CORO7: variants seen among roughly 807,000 people sequenced by gnomAD.
CORO7 encodes coronin-7.
In CORO7, 107 loss-of-function variants were observed where a neutral mutation model predicts 126.6. The ratio of observed to expected loss-of-function variants is 0.85; its 90% CI spans 0.72 to 0.99. CORO7 has a LOEUF of 0.99. Among genes scored for constraint, CORO7 ranks in the 50% least tolerant of loss-of-function variants. The pLI is 0.00. For missense variants in CORO7, 1,314 were observed against 1,255.8 expected, an observed-to-expected ratio of 1.05 and a Z score of -0.70; for synonymous variants, 603 against 536.8, an observed-to-expected ratio of 1.12 and a Z score of -1.70.
At chr16:4,407,057 C>T (rs1379776171) in intron 5 of CORO7, among the ~76,000 whole-genome samples, 1 of 152,160 alleles carries the variant, frequency 6.6e-6, no homozygotes, top group Non-Finnish European at 1.5e-5. Context: ...GAGCAATACT[C>T]TTGCCGCAGC....
At chr16:4,407,721 G>C (rs2056058251) in intron 4 of CORO7, 37 bp from the exon 5 acceptor site, 2 of 1,526,048 alleles carry the variant, frequency 1.3e-6, no homozygotes, top group Non-Finnish European at 1.8e-6. Context: ...ACAGGGCTGA[G>C]GGCCTCACTG....
intron 6 of CORO7, among the ~76,000 whole-genome samples, chr16:4,404,934 C>T (rs546015682): frequency 2.8e-4 from 42 of 152,164 alleles, no homozygotes; most frequent in Non-Finnish European, 5.7e-4. Flanking sequence ...ATTACCCCTA[C>T]GGCAACAGGC....
At chr16:4,410,576 A>G (rs2056167288) in intron 3 of CORO7, among the ~76,000 whole-genome samples, 1 of 152,218 alleles carries the variant, frequency 6.6e-6, no homozygotes, top group Non-Finnish European at 1.5e-5. Context: ...AAGAGATCTG[A>G]GATTAGATGA....
At chr16:4,411,564 A>C (rs1378802636) in intron 3 of CORO7, among the ~76,000 whole-genome samples, 1 of 152,196 alleles carries the variant, frequency 6.6e-6, no homozygotes, top group East Asian at 1.9e-4. Context: ...TTTTTAAAAA[A>C]GTTTAGATGA....
intron 21 of CORO7, 103 bp downstream of exon 21, chr16:4,360,175 G>A: frequency 2.1e-6 from 3 of 1,455,848 alleles, no homozygotes; most frequent in Non-Finnish European, 2.8e-6. Context: ...ATCCAGTGAG[G>A]GGCAGGAATG....
chr16:4,359,066 C>T (rs969340673), intron 23 of CORO7: 10 of 584,258 alleles, frequency 1.7e-5, no homozygotes, highest in African/African-American at 7.6e-5. Flanking sequence ...CCACCGTACC[C>T]GGCCTACAGT....
intron 16 of CORO7, 135 bp from the exon 17 acceptor site, chr16:4,361,604 C>T (rs2054182559): frequency 9.2e-7 from 1 of 1,092,268 alleles, no homozygotes; most frequent in African/African-American, 1.6e-5. Flanking sequence ...GACCCAAGCT[C>T]TCTGCCCTGA....
Position 4,362,253 on chromosome 16 carries a change from C to G in CORO7, c.1403-93G>C. Reference sequence around the variant, plus strand: ...GTCCCGGCTGCCCACTCCCCTCACCCCAGGTGGATGTACAGCATGGACCTA... The same window carrying G: ...GTCCCGGCTGCCCACTCCCCTCACCGCAGGTGGATGTACAGCATGGACCTA... On this transcript the variant is annotated intron_variant, in intron 15 of 27. Transcript: ENST00000251166. This position sits in a 1 kb window ranked among gnomAD's most constrained non-coding sequence, Gnocchi z 5.3. 6.7e-7 allele frequency: 1 copy of G among 1,486,858 alleles called. No homozygotes were observed. Among genetic ancestry groups the G allele is most frequent in the Non-Finnish European group, 9.0e-7 (1 of 1,113,722 alleles). The allele number at this position is 1,486,858 out of a possible 1,614,324, so 92.1% of individuals were successfully genotyped here.
chr16:4,394,589 A>C (rs889854332), intron 7 of CORO7, among the ~76,000 whole-genome samples: 1 of 151,998 alleles, frequency 6.6e-6, no homozygotes, highest in African/African-American at 2.4e-5. Context: ...CCTTGGCATT[A>C]CTCAGGCCTC....
chr16:4,364,132 G>C (rs190130177), intron 14 of CORO7, 144 bp downstream of exon 14: 2 of 1,162,826 alleles, frequency 1.7e-6, no homozygotes, highest in African/African-American at 3.2e-5. Flanking sequence ...GTTGCAGTGA[G>C]CCGAGGTTGC....
At chr16:4,405,215 C>A (rs1015025424) in intron 6 of CORO7, among the ~76,000 whole-genome samples, 1 of 152,210 alleles carries the variant, frequency 6.6e-6, no homozygotes, top group Non-Finnish European at 1.5e-5. Flanking sequence ...ACCAGACAGG[C>A]GGCCAGAGGA....
intron 19 of CORO7, among the ~76,000 whole-genome samples, 166 bp downstream of exon 19, chr16:4,360,777 C>T (rs2054146287): frequency 6.8e-6 from 1 of 147,516 alleles, no homozygotes; most frequent in Admixed American, 6.7e-5. Context: ...CCCTGCCCCT[C>T]CTCACCACTG....
chr16:4,359,189 A>G (rs1282592185), intron 23 of CORO7, 107 bp downstream of exon 23: 3 of 1,265,902 alleles, frequency 2.4e-6, no homozygotes, highest in Non-Finnish European at 3.2e-6. Context: ...GCCCCAGCCC[A>G]GGACTCTGAC....
In CORO7 at chr16:4,407,497, G is replaced by C; in HGVS notation, c.487+4C>G. 1 of 1,563,972 alleles carries C rather than the reference G, an allele frequency of 6.4e-7. No homozygotes were observed. The highest frequency in any genetic ancestry group is 1.2e-5 in the South Asian group (1 of 85,104). On this transcript the variant is annotated splice_donor_region_variant and intron_variant, in intron 5 of 27. Coordinates refer to ENST00000251166, the MANE Select transcript of CORO7 (RefSeq NM_024535.5). ...TGGGAAGGGCAGGCCAGGGTGGCCT[G>C]TACCTGTCAGGGGCTGCTGCTTGGC...
At chr16:4,357,104 G>A in intron 26 of CORO7, 64 bp downstream of exon 26, 2 of 1,599,850 alleles carry the variant, frequency 1.3e-6, no homozygotes, top group East Asian at 2.2e-5. Flanking sequence ...GAGAACTAAG[G>A]GGCCGTGGCC....
chr16:4,379,983 G>C (rs2054894725), intron 9 of CORO7, among the ~76,000 whole-genome samples: 2 of 151,336 alleles, frequency 1.3e-5, no homozygotes, highest in African/African-American at 4.9e-5. Context: ...GCTTGAACCT[G>C]GGAGGCAGAG....
At chr16:4,357,394 G>A in intron 25 of CORO7, 135 bp from the exon 26 acceptor site, 3 of 941,570 alleles carry the variant, frequency 3.2e-6, no homozygotes, top group South Asian at 3.7e-5. Context: ...TTTTGCTCTT[G>A]TTGCCCAGGC....
intron 9 of CORO7, among the ~76,000 whole-genome samples, chr16:4,374,605 G>T (rs1326205405): frequency 6.6e-6 from 1 of 152,186 alleles, no homozygotes; most frequent in East Asian, 1.9e-4. Flanking sequence ...CCCGAGCCCG[G>T]CTGGGCATTG....
chr16:4,387,374 G>A (rs1326932941), intron 9 of CORO7, among the ~76,000 whole-genome samples: 1 of 152,176 alleles, frequency 6.6e-6, no homozygotes, highest in Non-Finnish European at 1.5e-5. Flanking sequence ...CACTTCTGGG[G>A]GCAGATGGAA....
Sources: gnomAD v4.1 joint callset for allele counts (sites outside exome capture counted in the v4.1 genomes callset) on GRCh38, gnomAD v4.1.1 for gene constraint, Gnocchi (gnomAD v3.1) non-coding constraint, MANE v1.5 for transcripts, NCBI Gene and HGNC (gene_info 2026-07-23, HGNC 2026-07-21) for gene names.